Variants in ARL6IP4 observed in about 807,000 individuals in gnomAD.
ARL6IP4 encodes ADP-ribosylation factor-like protein 6-interacting protein 4.
In ARL6IP4, 24 loss-of-function variants were observed where a neutral mutation model predicts 28.1. The observed-to-expected ratio is 0.86, with a 90% CI of 0.62 to 1.20. ARL6IP4 has a LOEUF of 1.20. Among genes scored for constraint, ARL6IP4 ranks in the 50% most tolerant of loss-of-function variants. ARL6IP4 has a pLI of 0.00. For synonymous variants in ARL6IP4, 162 were observed against 122.3 expected (o/e 1.32, Z -2.14); for missense variants, 343 against 302.4 (o/e 1.13, Z -1.00).
At position 122,982,904 on chromosome 12, in the gene ARL6IP4, A is replaced by G. The variant is rs545419094; in HGVS notation, c.*228A>G. ...TTCTCAGCTATTAAAGGCCCCCTGG[A>G]TAGACTTTCTCTGTTCTGTGGCTTT... On this transcript the variant is annotated 3_prime_UTR_variant, in exon 6 of 6. Transcript: ENST00000315580. The G allele has an allele frequency of 1.3e-5, 8 of 598,482 alleles. No homozygotes were observed. The highest frequency in any genetic ancestry group is 8.8e-5 in the Admixed American group (3 of 33,998). 37.1% of individuals were successfully genotyped at this position (598,482 alleles called of 1,614,324 possible).
intron 4 of ARL6IP4, 85 bp from the exon 5 acceptor site, chr12:122,982,384 C>T: frequency 1.5e-6 from 2 of 1,345,718 alleles, no homozygotes; most frequent in Non-Finnish European, 2.1e-6. Context: ...CCCTGGGACC[C>T]CTCTGCCGGC....
chr12:122,982,742 C>CCACTGGCACCCTGAA lies in ARL6IP4; in HGVS notation c.*66_*67insCACTGGCACCCTGAA. On this transcript the variant is annotated 3_prime_UTR_variant, in exon 6 of 6. Transcript: ENST00000315580. ...CCAGCCTGGGCAGGTTTCAGGGTGCCAGTGGGAAGCCTGATGGGTGCTGGT... is the reference window on the plus strand; with the variant it reads ...CCAGCCTGGGCAGGTTTCAGGGTGCCCACTGGCACCCTGAAAGTGGGAAGCCTGATGGGTGCTGGT... 6.6e-7 allele frequency: 1 copy of CCACTGGCACCCTGAA among 1,525,088 alleles called. No individual in the cohort carries two copies. The highest frequency in any genetic ancestry group is 9.0e-7 in the Non-Finnish European group (1 of 1,108,184). 94.5% of individuals were successfully genotyped at this position (1,525,088 alleles called of 1,614,324 possible).
At chr12:122,981,432 C>T in intron 2 of ARL6IP4, 133 bp downstream of exon 2, 1 of 1,386,290 alleles carries the variant, frequency 7.2e-7, no homozygotes, top group South Asian at 1.5e-5. Flanking sequence ...GCCGCAGGAG[C>T]CAGGAAGGGG....
In ARL6IP4 at chr12:122,980,936, C is replaced by A. The variant is rs906704105; in HGVS notation, c.-12+191C>A. The A allele has an allele frequency of 1.1e-5, 15 of 1,384,776 alleles. No homozygotes were observed. The Middle Eastern group carries it at 1.2e-3, about 110-fold the overall frequency. The allele number at this position is 1,384,776 out of a possible 1,614,324, so 85.8% of individuals were successfully genotyped here. ...GCACGGGGCGGGCCCTTAACAGGCA[C>A]CGCTGCGGGGACTGGAGTCGGCGGA... On this transcript the variant is annotated intron_variant, in intron 1 of 5. Transcript: ENST00000315580.
At chr12:122,982,390 C>T in intron 4 of ARL6IP4, 79 bp from the exon 5 acceptor site, 3 of 1,397,762 alleles carry the variant, frequency 2.1e-6, no homozygotes, top group Non-Finnish European at 3.0e-6. Flanking sequence ...GACCCCTCTG[C>T]CGGCTGCTTG....
chr12:122,982,653 A>T lies in ARL6IP4; in HGVS notation c.691A>T (p.Met231Leu), dbSNP rs768801554. The change falls in exon 6 of 6, where the codon ATG becomes TTG. Residue 231 changes from methionine to leucine, a missense_variant. Coordinates refer to ENST00000315580, the MANE Select transcript of ARL6IP4 (RefSeq NM_018694.4). ...ATRGDCLAFQ[M>L]RAGLLP ...CCGAGGGGACTGCCTGGCCTTCCAGATGCGAGCTGGGTTGCTTCCCTGAGG... is the reference window on the plus strand; with the variant it reads ...CCGAGGGGACTGCCTGGCCTTCCAGTTGCGAGCTGGGTTGCTTCCCTGAGG... The T allele has an allele frequency of 5.0e-6, 8 of 1,613,804 alleles. No homozygotes were observed. The highest frequency in any genetic ancestry group is 1.1e-5 in the South Asian group (1 of 91,088).
Position 122,981,318 on chromosome 12 carries a change from G to C in ARL6IP4, c.160+19G>C, listed in dbSNP as rs2037640002. 6.5e-7 allele frequency: 1 copy of C among 1,533,940 alleles called. No homozygotes were observed. Among genetic ancestry groups the C allele is most frequent in the Non-Finnish European group, 8.8e-7 (1 of 1,137,530 alleles). On this transcript the variant is annotated intron_variant, in intron 2 of 5. Transcript: ENST00000315580. Reference sequence around the variant, plus strand: ...GCGGAGGGTGAGGACCACAGGCATCGGGGAGAGGAGGCGCAGTTACTACCC... The same window carrying C: ...GCGGAGGGTGAGGACCACAGGCATCCGGGAGAGGAGGCGCAGTTACTACCC...
chr12:122,981,833 G>T lies in ARL6IP4; in HGVS notation c.423G>T (p.Ser141=). ...AQQVEALPGP[S]LDQWHRSAGE... Reference sequence around the variant, plus strand: ...AGGTGGAGGCTCTGCCGGGCCCCTCGCTGGACCAGTGGCACCGATCAGCTG... The same window carrying T: ...AGGTGGAGGCTCTGCCGGGCCCCTCTCTGGACCAGTGGCACCGATCAGCTG... The change falls in exon 3 of 6, where the codon TCG becomes TCT. Residue 141 remains serine (S), a synonymous_variant. Coordinates refer to ENST00000315580, the MANE Select transcript of ARL6IP4 (RefSeq NM_018694.4). 1.9e-6 allele frequency: 3 copies of T among 1,610,010 alleles called. No homozygotes were observed. The highest frequency in any genetic ancestry group is 2.5e-6 in the Non-Finnish European group (3 of 1,178,106).
upstream of ARL6IP4, chr12:122,980,265 G>T: frequency 4.8e-6 from 6 of 1,246,864 alleles, no homozygotes; most frequent in Middle Eastern, 6.2e-4. Flanking sequence ...TGGGCCTGGG[G>T]TCCATGCCCG....
At position 122,981,194 on chromosome 12, in the gene ARL6IP4, CG is replaced by C; in HGVS notation, c.60del (p.Ser21ArgfsTer101). On this transcript the variant is annotated frameshift_variant, in exon 2 of 6. Coordinates refer to ENST00000315580, the MANE Select transcript of ARL6IP4 (RefSeq NM_018694.4). LOFTEE classifies it high-confidence loss of function. Reference sequence around the variant, plus strand: ...GAGGAGTCGCAGCCGGTCCCGGGGACGGGGGTCGGAAAAGAGAAAGAAGAAG... The same window carrying C: ...GAGGAGTCGCAGCCGGTCCCGGGGACGGGGTCGGAAAAGAGAAAGAAGAAG... ...RSRSRSRSRGRGSEKRKKKSR... is the reference protein window; with the variant it reads ...RSRSRSRSRGXGSEKRKKKSR... 6.5e-7 allele frequency: 1 copy of C among 1,549,638 alleles called. No homozygotes were observed. The highest frequency in any genetic ancestry group is 8.7e-7 in the Non-Finnish European group (1 of 1,146,668).
intron 1 of ARL6IP4, 143 bp from the exon 2 acceptor site, chr12:122,980,986 G>T: frequency 7.2e-7 from 1 of 1,390,758 alleles, no homozygotes; most frequent in Non-Finnish European, 9.3e-7. Flanking sequence ...CCAGCGCTGG[G>T]GGTGGGTGAG....
At chr12:122,980,886 G>T (rs2037614858) in intron 1 of ARL6IP4, 141 bp downstream of exon 1, 18 of 1,351,262 alleles carry the variant, frequency 1.3e-5, no homozygotes, top group Non-Finnish European at 1.5e-5. Flanking sequence ...GTTTGGAGCC[G>T]GGTGCGCAGG....
chr12:122,982,861 C>T lies in ARL6IP4; in HGVS notation c.*185C>T. Reference sequence around the variant, plus strand: ...GGGTCACCGGCCTGCTTGGCACCCCCATCTGAAAGAGCAGCACTTCTCAGC... The same window carrying T: ...GGGTCACCGGCCTGCTTGGCACCCCTATCTGAAAGAGCAGCACTTCTCAGC... On this transcript the variant is annotated 3_prime_UTR_variant, in exon 6 of 6. Coordinates refer to ENST00000315580, the MANE Select transcript of ARL6IP4 (RefSeq NM_018694.4). 1.6e-6 allele frequency: 1 copy of T among 630,464 alleles called. No homozygotes were observed. The highest frequency in any genetic ancestry group is 1.9e-5 in the South Asian group (1 of 52,628). The allele number at this position is 630,464 out of a possible 1,614,324, so 39.1% of individuals were successfully genotyped here.
In ARL6IP4 at chr12:122,981,250, G is replaced by GA. The variant is rs1432418542; in HGVS notation, c.111_112insA (p.Ala38SerfsTer48). ...GGAAAGACACCTCGAGGAACTGCTC[G>GA]GCCTCCACATCCCAAGGTCGCAAGG... On this transcript the variant is annotated frameshift_variant, in exon 2 of 6. Transcript: ENST00000315580. LOFTEE classifies it high-confidence loss of function. 1.3e-6 allele frequency: 2 copies of GA among 1,549,782 alleles called. No homozygotes were observed. Among genetic ancestry groups the GA allele is most frequent in the Non-Finnish European group, 1.7e-6 (2 of 1,146,586 alleles).
At chr12:122,981,491 C>G (rs529799227) in intron 2 of ARL6IP4, 80 bp from the exon 3 acceptor site, 1 of 1,423,586 alleles carries the variant, frequency 7.0e-7, no homozygotes, top group Non-Finnish European at 9.3e-7. Flanking sequence ...TCAGGAAGCG[C>G]TCACCCTGTA....
At chr12:122,980,503 TG>T, upstream of ARL6IP4, 1 of 1,364,276 alleles carries the variant, frequency 7.3e-7, no homozygotes. Context: ...GCCTTGGAAG[TG>T]GGCGCAGCTT....
upstream of ARL6IP4, chr12:122,980,525 A>C (rs878865242): frequency 1.2e-5 from 17 of 1,364,938 alleles, no homozygotes; most frequent in Non-Finnish European, 1.6e-5. Flanking sequence ...CGGCAGACAC[A>C]GGCGTGAGGG....
chr12:122,980,770 C>A (rs1002217306), intron 1 of ARL6IP4, 25 bp downstream of exon 1: 1 of 1,305,812 alleles, frequency 7.7e-7, no homozygotes, highest in South Asian at 2.3e-5. Context: ...GCCCCGGGGG[C>A]CCCCTTGAGG....
Position 122,981,634 on chromosome 12 carries a change from GCTC to G in ARL6IP4, c.234_236del (p.Ser98del), listed in dbSNP as rs1209159170. 2.2e-5 allele frequency: 35 copies of G among 1,560,690 alleles called. No homozygotes were observed. Among genetic ancestry groups the G allele is most frequent in the Non-Finnish European group, 2.9e-5 (33 of 1,153,620 alleles). On this transcript the variant is annotated inframe_deletion, in exon 3 of 6. Transcript: ENST00000315580. The stretch of plus-strand genomic sequence containing the variant: ...AAGGCCCGGAGGAGAACAAGATCCA[GCTC>G]CTCCTCCTCTTCTTCCAGTTCTTCT...
Sources: gnomAD v4.1 joint callset for allele counts on GRCh38, gnomAD v4.1.1 for gene constraint, MANE v1.5 for transcripts, NCBI Gene and HGNC (gene_info 2026-07-23, HGNC 2026-07-21) for gene names.